Variants in UPP2 observed in about 807,000 individuals in gnomAD.
UPP2 encodes UPase 2.
A neutral mutation model predicts 26.7 loss-of-function variants in UPP2; 23 were observed. That is an observed-to-expected ratio of 0.86 (90% CI 0.62 to 1.22). UPP2 has a LOEUF of 1.22. Among genes scored for constraint, UPP2 ranks in the 50% most tolerant of loss-of-function variants. The pLI is 0.00. For synonymous variants in UPP2, 127 were observed against 141.3 expected (o/e 0.90, Z 0.72); for missense variants, 387 against 396.7 (o/e 0.98, Z 0.21).
intron 3 of UPP2, among the ~76,000 whole-genome samples, chr2:158,036,984 G>T (rs1412572413): frequency 6.6e-6 from 1 of 152,150 alleles, no homozygotes; most frequent in Non-Finnish European, 1.5e-5. Context: ...GGCTGGGAAA[G>T]TTTCCTATCT....
At chr2:158,068,315 A>G (rs961396862) in intron 3 of UPP2, among the ~76,000 whole-genome samples, 5 of 152,242 alleles carry the variant, frequency 3.3e-5, no homozygotes, top group African/African-American at 9.6e-5. Flanking sequence ...ACATTAAGGC[A>G]TACTTAATAT....
chr2:158,089,869 TGCA>T (rs1027245962), intron 3 of UPP2, among the ~76,000 whole-genome samples: 1 of 152,156 alleles, frequency 6.6e-6, no homozygotes, highest in African/African-American at 2.4e-5. Flanking sequence ...TCCTGGGGCC[TGCA>T]GCAGCAGTTC....
chr2:158,093,200 C>T (rs563245834), intron 3 of UPP2, among the ~76,000 whole-genome samples: 4 of 151,538 alleles, frequency 2.6e-5, no homozygotes, highest in East Asian at 2.0e-4. Context: ...GGATTACAGG[C>T]GTGAGCCATT....
intron 2 of UPP2, among the ~76,000 whole-genome samples, chr2:158,001,876 G>A (rs1683412678): frequency 7.1e-6 from 1 of 140,784 alleles, no homozygotes; most frequent in East Asian, 2.3e-4. Context: ...TTGTTCTTTA[G>A]TTGTATCCCA....
chr2:158,076,414 A>G (rs2105191181), intron 3 of UPP2, among the ~76,000 whole-genome samples: 1 of 152,214 alleles, frequency 6.6e-6, no homozygotes, highest in Middle Eastern at 3.4e-3. Flanking sequence ...TTGATCAAAA[A>G]TCTTCAACAA....
intron 2 of UPP2, among the ~76,000 whole-genome samples, chr2:158,010,822 G>A (rs1157552041): frequency 6.7e-6 from 1 of 148,514 alleles, no homozygotes; most frequent in Non-Finnish European, 1.5e-5. Flanking sequence ...CTGGAGTGCA[G>A]TGGCACAATC....
At chr2:158,027,356 A>G (rs1217984213) in intron 3 of UPP2, among the ~76,000 whole-genome samples, 1 of 152,210 alleles carries the variant, frequency 6.6e-6, no homozygotes, top group Non-Finnish European at 1.5e-5. Flanking sequence ...AAGGGGTTAC[A>G]GGACCCATGC....
At chr2:158,062,241 T>C (rs146249326) in intron 3 of UPP2, among the ~76,000 whole-genome samples, 1 of 152,260 alleles carries the variant, frequency 6.6e-6, no homozygotes, top group Admixed American at 6.5e-5. Flanking sequence ...ACATAGTTAT[T>C]GAGCACTTGA....
chr2:158,123,281 G>A (rs756564685), intron 5 of UPP2, among the ~76,000 whole-genome samples: 1 of 152,152 alleles, frequency 6.6e-6, no homozygotes, highest in Admixed American at 6.5e-5. Flanking sequence ...GGACAATGTC[G>A]CAAAGGCATA....
At chr2:158,042,058 G>C (rs1684089054) in intron 3 of UPP2, among the ~76,000 whole-genome samples, 1 of 152,106 alleles carries the variant, frequency 6.6e-6, no homozygotes, top group South Asian at 2.1e-4. Flanking sequence ...AGTGAATTAG[G>C]GGTCAAGTAA....
At chr2:158,054,907 T>G (rs1682222811) in intron 3 of UPP2, among the ~76,000 whole-genome samples, 2 of 152,200 alleles carry the variant, frequency 1.3e-5, no homozygotes, top group African/African-American at 4.8e-5. Context: ...TCTCCACAAC[T>G]TCTTTTAATC....
At chr2:158,021,845 C>G (rs1012010120) in intron 3 of UPP2, among the ~76,000 whole-genome samples, 3 of 152,050 alleles carry the variant, frequency 2.0e-5, no homozygotes, top group Admixed American at 6.5e-5. Context: ...GGAAAATTTT[C>G]TTAAATTATT....
intron 3 of UPP2, among the ~76,000 whole-genome samples, chr2:158,062,980 C>T (rs928663410): frequency 2.0e-5 from 3 of 152,186 alleles, no homozygotes; most frequent in African/African-American, 7.2e-5. Context: ...CAATCTGCTC[C>T]CCTGCCCCTC....
intron 3 of UPP2, among the ~76,000 whole-genome samples, chr2:158,093,979 T>TATGCCATATATTATATATAC (rs1682950195): frequency 6.7e-6 from 1 of 149,992 alleles, no homozygotes; most frequent in Non-Finnish European, 1.5e-5. Context: ...TTTATATATA[T>TATGCCATATATTATATATAC]ATGCCATATA....
Position 158,135,596 on chromosome 2 carries a change from T to C in UPP2, c.*706T>C, listed in dbSNP as rs147940231. On this transcript the variant is annotated 3_prime_UTR_variant, in exon 7 of 7. Transcript: ENST00000005756. Reference sequence around the variant, plus strand: ...AAATTGCCTTCTAGCCATTTTTTCTTGTAAAAAAAGTGTTTTGAGGAGGCT... The same window carrying C: ...AAATTGCCTTCTAGCCATTTTTTCTCGTAAAAAAAGTGTTTTGAGGAGGCT... The C allele has an allele frequency of 4.6e-5, 7 of 152,356 alleles. No individual in the cohort carries two copies. Among genetic ancestry groups the C allele is most frequent in the Admixed American group, 2.6e-4 (4 of 15,296 alleles). 9.4% of individuals were successfully genotyped at this position (152,356 alleles called of 1,614,324 possible). A position where few individuals can be genotyped will look rare whatever the true frequency, so the allele number is the denominator to read the frequency against.
chr2:158,045,395 A>G (rs1228717560), intron 3 of UPP2, among the ~76,000 whole-genome samples: 1 of 152,236 alleles, frequency 6.6e-6, no homozygotes, highest in African/African-American at 2.4e-5. Flanking sequence ...TGGAAAGACT[A>G]ACTTCCTCTT....
At chr2:158,134,642 A>C in intron 6 of UPP2, 106 bp from the exon 7 acceptor site, 2 of 1,336,742 alleles carry the variant, frequency 1.5e-6, no homozygotes, top group Admixed American at 3.0e-5. Context: ...ACAACAACAA[A>C]AATACACAAA....
At chr2:158,051,003 GC>G (rs1224559602) in intron 3 of UPP2, among the ~76,000 whole-genome samples, 7 of 151,994 alleles carry the variant, frequency 4.6e-5, no homozygotes, top group Non-Finnish European at 1.0e-4. Context: ...CACAGAGCAT[GC>G]CTGTATCAAA....
chr2:158,093,402 A>C (rs1463067691), intron 3 of UPP2, among the ~76,000 whole-genome samples: 1 of 152,152 alleles, frequency 6.6e-6, no homozygotes, highest in African/African-American at 2.4e-5. Context: ...CTTTTTGAAA[A>C]TCCATTGATG....
Sources: allele counts gnomAD v4.1 joint callset (sites outside exome capture counted in the v4.1 genomes callset), GRCh38; gene constraint gnomAD v4.1.1; transcripts MANE v1.5; gene names NCBI Gene and HGNC (gene_info 2026-07-23, HGNC 2026-07-21).